Variants in HDAC9 observed in about 807,000 individuals in gnomAD.
HDAC9 encodes MEF-2 interacting transcription repressor (MITR) protein.
HDAC9 carries 41 observed loss-of-function variants against 139.4 expected under a neutral mutation model. The ratio of observed to expected loss-of-function variants is 0.29; its 90% CI spans 0.23 to 0.38. The LOEUF (loss-of-function observed/expected upper bound fraction) is 0.38. Among genes scored for constraint, HDAC9 ranks in the 10% least tolerant of loss-of-function variants. HDAC9 has a pLI of 1.00. For missense variants in HDAC9, 1,147 were observed against 1,297.0 expected, an observed-to-expected ratio of 0.88 and a Z score of 1.78; for synonymous variants, 517 against 476.2, an observed-to-expected ratio of 1.09 and a Z score of -1.12.
chr7:18,165,439 G>T (rs72591359), intron 2 of HDAC9, among the ~76,000 whole-genome samples: 3 of 152,246 alleles, frequency 2.0e-5, no homozygotes, highest in African/African-American at 4.8e-5. Flanking sequence ...TGTTTCTCTT[G>T]TGAGCAAAAC....
At chr7:18,745,746 C>T (rs562869472) in intron 13 of HDAC9, among the ~76,000 whole-genome samples, 7 of 151,474 alleles carry the variant, frequency 4.6e-5, no homozygotes, top group Non-Finnish European at 8.8e-5. Flanking sequence ...CGGGGTTTCA[C>T]CTTGTTAGCC....
intron 1 of HDAC9, among the ~76,000 whole-genome samples, chr7:18,451,124 G>C (rs925910453): frequency 1.3e-5 from 2 of 152,086 alleles, no homozygotes; most frequent in African/African-American, 4.8e-5. Flanking sequence ...GAATGGATTA[G>C]TGCCTTTACG....
At chr7:18,852,201 G>T (rs1482016783) in intron 21 of HDAC9, among the ~76,000 whole-genome samples, 1 of 152,178 alleles carries the variant, frequency 6.6e-6, no homozygotes, top group Non-Finnish European at 1.5e-5. Context: ...GAAAAATGCA[G>T]AAGCATGTAA....
At chr7:18,786,298 C>T (rs1011946218) in intron 16 of HDAC9, among the ~76,000 whole-genome samples, 1 of 152,122 alleles carries the variant, frequency 6.6e-6, no homozygotes, top group Non-Finnish European at 1.5e-5. Context: ...AGATGTATAA[C>T]TAGCGCTTTA....
At chr7:18,566,078 T>G (rs892192745) in intron 2 of HDAC9, among the ~76,000 whole-genome samples, 2 of 152,204 alleles carry the variant, frequency 1.3e-5, no homozygotes, top group African/African-American at 4.8e-5. Context: ...TAAGTAACAT[T>G]ACAAAAAGTA....
chr7:18,190,672 A>G (rs1394428444), intron 2 of HDAC9, among the ~76,000 whole-genome samples: 1 of 152,204 alleles, frequency 6.6e-6, no homozygotes, highest in Non-Finnish European at 1.5e-5. Context: ...TGAAATAGCT[A>G]TTAAATAATA....
chr7:18,217,940 C>G (rs1173728385), intron 2 of HDAC9, among the ~76,000 whole-genome samples: 1 of 152,124 alleles, frequency 6.6e-6, no homozygotes, highest in Admixed American at 6.6e-5. Flanking sequence ...TGGGCTGGAG[C>G]TGCTGTTATC....
chr7:18,698,550 C>T (rs1286892279), intron 12 of HDAC9, among the ~76,000 whole-genome samples: 1 of 152,218 alleles, frequency 6.6e-6, no homozygotes, highest in African/African-American at 2.4e-5. Flanking sequence ...ATGTGCCTTC[C>T]TGACCTTGGA....
At chr7:18,490,746 A>G (rs1037121772), upstream of HDAC9, among the ~76,000 whole-genome samples, 2 of 152,152 alleles carry the variant, frequency 1.3e-5, no homozygotes, top group Non-Finnish European at 2.9e-5. Context: ...AAGGGAATCA[A>G]GCTCACTGAC....
At chr7:18,754,222 A>G (rs1341284371) in intron 14 of HDAC9, among the ~76,000 whole-genome samples, 1 of 152,122 alleles carries the variant, frequency 6.6e-6, no homozygotes, top group Non-Finnish European at 1.5e-5. Flanking sequence ...AGCAAAGAGC[A>G]AAACCAGCAG....
At position 18,606,776 on chromosome 7, in the gene HDAC9, A is replaced by G. The variant is rs145466671; in HGVS notation, c.664+12747A>G. 2.4e-3 allele frequency among the ~76,000 whole-genome samples: 362 copies of G among 152,286 alleles called. 5 individuals are homozygous for G. Among genetic ancestry groups the G allele is most frequent in the African/African-American group, 8.2e-3 (340 of 41,576 alleles). On this transcript the variant is annotated intron_variant, in intron 6 of 25. Coordinates refer to ENST00000686413, the MANE Select transcript of HDAC9 (RefSeq NM_178425.4). ...TCATTTAGATTATGAAAAGTTGGCAATTTCAAAAGAACATATTTAGTTGAT... is the reference window on the plus strand; with the variant it reads ...TCATTTAGATTATGAAAAGTTGGCAGTTTCAAAAGAACATATTTAGTTGAT...
chr7:18,396,124 C>CTTCCCTTCCCTTCCCTTCCA, intron 1 of HDAC9, among the ~76,000 whole-genome samples: 1 of 126,442 alleles, frequency 7.9e-6, no homozygotes, highest in African/African-American at 3.4e-5. Context: ...CTTCCCTTCC[C>CTTCCCTTCCCTTCCCTTCCA]TTCCCTTGCC....
chr7:18,762,389 T>C, intron 15 of HDAC9, 112 bp downstream of exon 15: 5 of 1,215,752 alleles, frequency 4.1e-6, no homozygotes, highest in South Asian at 2.9e-5. Context: ...AATCAGTTTT[T>C]CCAACAGCTT....
At position 18,990,346 on chromosome 7, in the gene HDAC9, C is replaced by A. The variant is rs183386083; in HGVS notation, c.3171-5677C>A. On this transcript the variant is annotated intron_variant, in intron 25 of 25. Transcript: ENST00000686413. ...TGTGCCCCTGCTGAGGGGTGCCTCCCAGTTAGGCTGCTCGTGGGTCAGGGG... is the reference window on the plus strand; with the variant it reads ...TGTGCCCCTGCTGAGGGGTGCCTCCAAGTTAGGCTGCTCGTGGGTCAGGGG... 1.4e-3 allele frequency among the ~76,000 whole-genome samples: 212 copies of A among 151,074 alleles called. 2 individuals carry two copies. Among genetic ancestry groups the A allele is most frequent in the Admixed American group, 9.3e-3 (142 of 15,278 alleles).
At chr7:18,942,256 A>G (rs1442936476) in intron 23 of HDAC9, among the ~76,000 whole-genome samples, 1 of 152,126 alleles carries the variant, frequency 6.6e-6, no homozygotes, top group Non-Finnish European at 1.5e-5. Flanking sequence ...CTTGAATAAA[A>G]AAATCAGACT....
intron 1 of HDAC9, among the ~76,000 whole-genome samples, chr7:18,409,802 A>G (rs1788371879): frequency 6.6e-6 from 1 of 152,152 alleles, no homozygotes; most frequent in South Asian, 2.1e-4. Context: ...CTTATATTTT[A>G]CATGTAATCT....
chr7:18,927,177 C>G (rs1804308152), intron 22 of HDAC9, among the ~76,000 whole-genome samples: 1 of 152,062 alleles, frequency 6.6e-6, no homozygotes, highest in East Asian at 1.9e-4. Flanking sequence ...ACCTTTTTGG[C>G]TACAGATGAA....
intron 1 of HDAC9, among the ~76,000 whole-genome samples, chr7:18,461,918 A>T (rs1024302681): frequency 8.5e-5 from 13 of 152,276 alleles, no homozygotes; most frequent in African/African-American, 3.1e-4. Context: ...GACAGCTGAC[A>T]TAGATTATCT....
intron 2 of HDAC9, among the ~76,000 whole-genome samples, chr7:18,195,038 A>T (rs1004946869): frequency 4.6e-5 from 7 of 152,052 alleles, no homozygotes; most frequent in Non-Finnish European, 1.0e-4. Flanking sequence ...AACTAATATT[A>T]CTTAAATAAA....
Sources: gnomAD v4.1 joint callset for allele counts (sites outside exome capture counted in the v4.1 genomes callset) on GRCh38, gnomAD v4.1.1 for gene constraint, MANE v1.5 for transcripts, NCBI Gene and HGNC (gene_info 2026-07-23, HGNC 2026-07-21) for gene names.